TRIM56: variants seen among roughly 807,000 people sequenced by gnomAD.
The protein encoded by TRIM56 is tripartite motif containing 56, also known as E3 ubiquitin-protein ligase TRIM56.
A neutral mutation model predicts 17.1 loss-of-function variants in TRIM56; 10 were observed. The observed-to-expected ratio is 0.58, with a 90% CI of 0.36 to 0.99. The LOEUF (loss-of-function observed/expected upper bound fraction) is 0.99. TRIM56 is among the 50% of genes least tolerant of loss of function. The probability of loss-of-function intolerance (pLI) is 0.01; values close to 1 mark genes in which losing one functional copy is unlikely to be tolerated. For synonymous variants in TRIM56, 503 were observed against 473.5 expected, an observed-to-expected ratio of 1.06 and a Z score of -0.81; for missense variants, 923 against 1,052.3, an observed-to-expected ratio of 0.88 and a Z score of 1.70.
In TRIM56 at chr7:101,090,966, A is replaced by G. The variant is rs567128209; in HGVS notation, c.*1386A>G. 2.6e-5 allele frequency: 4 copies of G among 152,300 alleles called. No homozygotes were observed. The highest frequency in any genetic ancestry group is 7.2e-5 in the African/African-American group (3 of 41,566). The allele number at this position is 152,300 out of a possible 1,614,324, so 9.4% of individuals were successfully genotyped here. A position where few individuals can be genotyped will look rare whatever the true frequency, so the allele number is the denominator to read the frequency against. On this transcript the variant is annotated 3_prime_UTR_variant, in exon 3 of 3. Coordinates refer to ENST00000306085, the MANE Select transcript of TRIM56 (RefSeq NM_030961.3). ...GGAAGGTTGTCCTCTGTGGGCCACT[A>G]TTGCTGGGGAAACAGCTAAACCCTG...
chr7:101,091,396 T>C lies in TRIM56; in HGVS notation c.*1816T>C. 1 of 176,918 alleles carries C rather than the reference T, an allele frequency of 5.7e-6. No homozygotes were observed. Among genetic ancestry groups the C allele is most frequent in the Admixed American group, 5.7e-5 (1 of 17,660 alleles). The allele number at this position is 176,918 out of a possible 1,614,324, so 11.0% of individuals were successfully genotyped here. On this transcript the variant is annotated 3_prime_UTR_variant, in exon 3 of 3. Transcript: ENST00000306085. ...TGGACACATTCCATTATCTACAAAT[T>C]ACAAAGGTAGGCACAGCAAAGAATA...
rs757013661 is a variant in TRIM56, at chr7:101,089,340, G to C, written c.2028G>C (p.Leu676=). ...QVVGEYKGPG[L]HGCQPGSVSV... ...TTGGGGAGTACAAGGGGCCAGGCCTGCATGGCTGCCAGCCGGGCTCCGTGT... is the reference window on the plus strand; with the variant it reads ...TTGGGGAGTACAAGGGGCCAGGCCTCCATGGCTGCCAGCCGGGCTCCGTGT... Residue 676 remains leucine, a synonymous_variant, in exon 3 of 3, where the codon CTG becomes CTC. Coordinates refer to ENST00000306085, the MANE Select transcript of TRIM56 (RefSeq NM_030961.3). 1.7e-5 allele frequency: 27 copies of C among 1,607,506 alleles called. No individual in the cohort carries two copies. The Admixed American group carries it at 4.0e-4, about 24-fold the overall frequency.
At chr7:101,086,221 A>G (rs1459309729) in intron 1 of TRIM56, among the ~76,000 whole-genome samples, 1 of 152,140 alleles carries the variant, frequency 6.6e-6, no homozygotes. Flanking sequence ...CCTGGGCAAC[A>G]TAGCAAGACC....
chr7:101,085,935 A>G (rs1795439208), intron 1 of TRIM56, among the ~76,000 whole-genome samples: 1 of 151,916 alleles, frequency 6.6e-6, no homozygotes, highest in Admixed American at 6.6e-5. Context: ...AAAGAACAGG[A>G]CTCCAGGAGA....
Position 101,094,093 on chromosome 7 carries a change from A to G in TRIM56, c.*4513A>G, listed in dbSNP as rs1042315032. ...TGAGGCTGCTCTGTATATTACAGGC[A>G]AGAACTGGAAACTGTTCGGCTGCAG... On this transcript the variant is annotated 3_prime_UTR_variant, in exon 3 of 3. Transcript: ENST00000306085. The G allele has an allele frequency of 6.6e-6, 1 of 152,272 alleles. No homozygotes were observed. The highest frequency in any genetic ancestry group is 2.4e-5 in the African/African-American group (1 of 41,476). 9.4% of individuals were successfully genotyped at this position (152,272 alleles called of 1,614,324 possible).
Position 101,089,097 on chromosome 7 carries a change from G to T in TRIM56, c.1785G>T (p.Ala595=). 6.3e-7 allele frequency: 1 copy of T among 1,599,590 alleles called. No individual in the cohort carries two copies. Among genetic ancestry groups the T allele is most frequent in the Non-Finnish European group, 8.5e-7 (1 of 1,174,870 alleles). ...LSLSQASHAV[A]ALPSGDRVAV... ...TCTCCCAGGCCAGCCACGCGGTGGC[G>T]GCACTGCCTAGCGGGGACCGCGTGG... Residue 595 remains alanine, a synonymous_variant, in exon 3 of 3, where the codon GCG becomes GCT. Coordinates refer to ENST00000306085, the MANE Select transcript of TRIM56 (RefSeq NM_030961.3).
Position 101,097,823 on chromosome 7 carries a change from TAA to T in TRIM56, c.*8245_*8246del, listed in dbSNP as rs1357244797. The T allele has an allele frequency of 6.6e-6, 1 of 152,248 alleles. No homozygotes were observed. Among genetic ancestry groups the T allele is most frequent in the Non-Finnish European group, 1.5e-5 (1 of 68,048 alleles). The allele number at this position is 152,248 out of a possible 1,614,324, so 9.4% of individuals were successfully genotyped here. ...GCCATGGGCTAAACCCAGTGTGCTG[TAA>T]ACTCTTCAGTTCCTTTGGTTATGGA... On this transcript the variant is annotated 3_prime_UTR_variant, in exon 3 of 3. Coordinates refer to ENST00000306085, the MANE Select transcript of TRIM56 (RefSeq NM_030961.3).
Position 101,097,159 on chromosome 7 carries a change from A to C in TRIM56, c.*7579A>C, listed in dbSNP as rs979665798. ...CAAGGCAGAAGTCAAAAGTTTTGCA[A>C]GGAAACCGATGAGGTTGCTGACCTG... On this transcript the variant is annotated 3_prime_UTR_variant, in exon 3 of 3. Transcript: ENST00000306085. 1.3e-5 allele frequency: 2 copies of C among 152,228 alleles called. No individual in the cohort carries two copies. Among genetic ancestry groups the C allele is most frequent in the African/African-American group, 2.4e-5 (1 of 41,458 alleles). 9.4% of individuals were successfully genotyped at this position (152,228 alleles called of 1,614,324 possible). A position where few individuals can be genotyped will look rare whatever the true frequency, so the allele number is the denominator to read the frequency against.
Position 101,088,531 on chromosome 7 carries a change from G to A in TRIM56, c.1219G>A (p.Gly407Arg), listed in dbSNP as rs1368216887. The stretch of plus-strand genomic sequence containing the variant: ...TGAGCCGAAGACTGAGAGACAGGGT[G>A]GAGTCCAGCCCCAGGCTGGAGATGG... ...EDEPKTERQG[G>R]VQPQAGDGAQ... Residue 407 changes from glycine to arginine, a missense_variant, in exon 3 of 3, where the codon GGA becomes AGA. By Grantham distance (125) the Gly-to-Arg change is moderately radical. Transcript: ENST00000306085. The A allele has an allele frequency of 6.2e-7, 1 of 1,613,856 alleles. No homozygotes were observed. The highest frequency in any genetic ancestry group is 8.5e-7 in the Non-Finnish European group (1 of 1,179,898).
In TRIM56 at chr7:101,094,822, G is replaced by A. The variant is rs1352510696; in HGVS notation, c.*5242G>A. On this transcript the variant is annotated 3_prime_UTR_variant, in exon 3 of 3. Transcript: ENST00000306085. ...GAATAGGGATCAGCTACATGGGGGC[G>A]GGGGGAGGGGGGCAGGGAACGGTGT... 4 of 132,028 alleles carry A rather than the reference G, an allele frequency of 3.0e-5. No individual in the cohort carries two copies. Among genetic ancestry groups the A allele is most frequent in the South Asian group, 2.9e-4 (1 of 3,392 alleles). 8.2% of individuals were successfully genotyped at this position (132,028 alleles called of 1,614,324 possible).
In TRIM56 at chr7:101,087,400, G is replaced by A; in HGVS notation, c.88G>A (p.Ala30Thr). The change falls in exon 3 of 3, where the codon GCA (alanine) becomes ACA (threonine). Residue 30 changes from alanine to threonine, a missense_variant. Transcript: ENST00000306085. ...TAAAATCTGCCTGGAGCAGCTGCGG[G>A]CACCCAAGACACTGCCCTGCCTGCA... ...ACKICLEQLR[A>T]PKTLPCLHTY... 2 of 1,612,682 alleles carry A rather than the reference G, an allele frequency of 1.2e-6. No homozygotes were observed. Among genetic ancestry groups the A allele is most frequent in the South Asian group, 2.2e-5 (2 of 91,090 alleles).
At position 101,087,361 on chromosome 7, in the gene TRIM56, G is replaced by A. The variant is rs375013952; in HGVS notation, c.49G>A (p.Asp17Asn). Residue 17 changes from aspartate (D) to asparagine (N), a missense_variant, in exon 3 of 3, where the codon GAC (aspartate) becomes AAC (asparagine). Asp to Asn is a conservative substitution (Grantham distance 23). Around this residue, in one of 3 missense-constraint regions of TRIM56, gnomAD observed 98 missense variants for 143.6 expected, o/e 0.68. Transcript: ENST00000306085. ...CTCCCTCCTGGAGGCCCTGAGCAGC[G>A]ACTTCCTGGCCTGTAAAATCTGCCT... Reference protein sequence around the residue: ...SPSLLEALSSDFLACKICLEQ... With the variant: ...SPSLLEALSSNFLACKICLEQ... 56 of 1,612,780 alleles carry A rather than the reference G, an allele frequency of 3.5e-5. No homozygotes were observed. Among genetic ancestry groups the A allele is most frequent in the Non-Finnish European group, 4.4e-5 (52 of 1,180,012 alleles).
chr7:101,087,701 C>T lies in TRIM56; in HGVS notation c.389C>T (p.Ala130Val), dbSNP rs949218412. ...GACTGTGCCGATGACTTGTGCCAGG[C>T]CTGTGCCGACGGGCACCGCTGCACC... ...CLDCADDLCQ[A>V]CADGHRCTRQ... Residue 130 changes from alanine to valine, a missense_variant, in exon 3 of 3, where the codon GCC (alanine) becomes GTC (valine). By Grantham distance (64) the Ala-to-Val change is moderately conservative. Around this residue, in one of 3 missense-constraint regions of TRIM56, gnomAD observed 643 missense variants for 665.6 expected, o/e 0.97. Coordinates refer to ENST00000306085, the MANE Select transcript of TRIM56 (RefSeq NM_030961.3). 1.3e-6 allele frequency: 2 copies of T among 1,588,276 alleles called. No individual in the cohort carries two copies. Among genetic ancestry groups the T allele is most frequent in the Non-Finnish European group, 1.7e-6 (2 of 1,167,950 alleles).
chr7:101,087,048 G>T lies in TRIM56; in HGVS notation c.-122G>T. 2 of 492,702 alleles carry T rather than the reference G, an allele frequency of 4.1e-6. No homozygotes were observed. The highest frequency in any genetic ancestry group is 3.4e-5 in the East Asian group (1 of 29,450). 30.5% of individuals were successfully genotyped at this position (492,702 alleles called of 1,614,324 possible). A position where few individuals can be genotyped will look rare whatever the true frequency, so the allele number is the denominator to read the frequency against. ...CAACAAGTAGCACTGACATTTTTAC[G>T]TTTGCTGGATGTACACACGGAAGTG... On this transcript the variant is annotated 5_prime_UTR_variant, in exon 2 of 3. Coordinates refer to ENST00000306085, the MANE Select transcript of TRIM56 (RefSeq NM_030961.3).
rs1795520859 is a variant in TRIM56 at position 101,089,198 on chromosome 7, A to T, written c.1886A>T (p.Lys629Met). 1 of 1,613,520 alleles carries T rather than the reference A, an allele frequency of 6.2e-7. No individual in the cohort carries two copies. The highest frequency in any genetic ancestry group is 1.1e-5 in the South Asian group (1 of 91,072). ...GCCACCCGGTTCATTCCTGGAGGCAAGGCCAGCCGGGGCCTGCGGGCGCTG... is the reference window on the plus strand; with the variant it reads ...GCCACCCGGTTCATTCCTGGAGGCATGGCCAGCCGGGGCCTGCGGGCGCTG... ...SLATRFIPGG[K>M]ASRGLRALVF... Residue 629 changes from lysine (K) to methionine (M), a missense_variant, in exon 3 of 3, where the codon AAG (lysine) becomes ATG (methionine). Transcript: ENST00000306085.
rs1171186368 is a variant in TRIM56 at position 101,094,006 on chromosome 7, C to T, written c.*4426C>T. 1 of 152,078 alleles carries T rather than the reference C, an allele frequency of 6.6e-6. No homozygotes were observed. The highest frequency in any genetic ancestry group is 1.9e-4 in the East Asian group (1 of 5,192). 9.4% of individuals were successfully genotyped at this position (152,078 alleles called of 1,614,324 possible). On this transcript the variant is annotated 3_prime_UTR_variant, in exon 3 of 3. Coordinates refer to ENST00000306085, the MANE Select transcript of TRIM56 (RefSeq NM_030961.3). ...AAATGATTATAAGAATCAGTTGTCT[C>T]ACTTTGGGGAATACATTCTGGGAAA...
chr7:101,089,044 GA>G lies in TRIM56; in HGVS notation c.1734del (p.Val579CysfsTer7), dbSNP rs748751641. On this transcript the variant is annotated frameshift_variant, in exon 3 of 3. Coordinates refer to ENST00000306085, the MANE Select transcript of TRIM56 (RefSeq NM_030961.3). LOFTEE classifies it high-confidence loss of function. ...ARLYLINPNG[E>X]VQWRRALSLS... The stretch of plus-strand genomic sequence containing the variant: ...GCTCTATCTCATCAACCCCAACGGC[GA>G]AGTGCAGTGGCGCAGGGCCCTGAGC... 2 of 1,602,136 alleles carry G rather than the reference GA, an allele frequency of 1.2e-6. No individual in the cohort carries two copies. Among genetic ancestry groups the G allele is most frequent in the Non-Finnish European group, 1.7e-6 (2 of 1,178,224 alleles).
rs1309734680 is a variant in TRIM56, at chr7:101,093,901, A to T, written c.*4321A>T. ...ATAAATGTTAAATAAATGGGTGAGA[A>T]ATCTTGCGGAGAAATAGACTCCTGG... On this transcript the variant is annotated 3_prime_UTR_variant, in exon 3 of 3. Coordinates refer to ENST00000306085, the MANE Select transcript of TRIM56 (RefSeq NM_030961.3). 1 of 152,228 alleles carries T rather than the reference A, an allele frequency of 6.6e-6. No homozygotes were observed. Among genetic ancestry groups the T allele is most frequent in the Admixed American group, 6.5e-5 (1 of 15,278 alleles). 9.4% of individuals were successfully genotyped at this position (152,228 alleles called of 1,614,324 possible). A position where few individuals can be genotyped will look rare whatever the true frequency, so the allele number is the denominator to read the frequency against.
In TRIM56 at chr7:101,093,608, T is replaced by C. The variant is rs1244625939; in HGVS notation, c.*4028T>C. 6.6e-6 allele frequency: 1 copy of C among 151,456 alleles called. No individual in the cohort carries two copies. Among genetic ancestry groups the C allele is most frequent in the Non-Finnish European group, 1.5e-5 (1 of 67,974 alleles). The allele number at this position is 151,456 out of a possible 1,614,324, so 9.4% of individuals were successfully genotyped here. ...ACTTTGGGAGGCTGAGGTGGGTGGA[T>C]CACCTGAGGTCAGGAGTTTGAGACC... On this transcript the variant is annotated 3_prime_UTR_variant, in exon 3 of 3. Coordinates refer to ENST00000306085, the MANE Select transcript of TRIM56 (RefSeq NM_030961.3).
Sources: allele counts gnomAD v4.1 joint callset (sites outside exome capture counted in the v4.1 genomes callset), GRCh38; gene constraint gnomAD v4.1.1; regional missense constraint gnomAD v4.1.1; transcripts MANE v1.5; gene names NCBI Gene and HGNC (gene_info 2026-07-23, HGNC 2026-07-21).